The following ZBTB41 variants were observed in gnomAD, a reference collection of about 807,000 sequenced individuals.
ZBTB41 encodes the protein zinc finger and BTB domain-containing protein 41.
A neutral mutation model predicts 87.6 loss-of-function variants in ZBTB41; 42 were observed. The observed-to-expected ratio is 0.48, with a 90% CI of 0.37 to 0.62. The LOEUF (loss-of-function observed/expected upper bound fraction) is 0.62. Ranked by LOEUF, ZBTB41 falls within the 20% of genes least tolerant of loss-of-function variation. ZBTB41 has a pLI of 0.00. For synonymous variants in ZBTB41, 364 were observed against 364.0 expected (o/e 1.00, Z 0.00); for missense variants, 799 against 1,078.9 (o/e 0.74, Z 3.63).
rs1363926844 is a variant in ZBTB41, at chr1:197,159,854, A to G, written c.2235T>C (p.His745=). 1.9e-6 allele frequency: 3 copies of G among 1,613,872 alleles called. No individual in the cohort carries two copies. Among genetic ancestry groups the G allele is most frequent in the Non-Finnish European group, 1.7e-6 (2 of 1,179,898 alleles). The part of the protein sequence containing the change: ...RKDKLKYHID[H]VHEIKSPDDP... ...CATCAGGAGATTTTATTTCATGAACATGGTCAATGTGGTATTTCAGCTTGT... is the reference window on the plus strand; with the variant it reads ...CATCAGGAGATTTTATTTCATGAACGTGGTCAATGTGGTATTTCAGCTTGT... The change falls in exon 11 of 11, where the codon CAT becomes CAC. Residue 745 remains histidine (H), a synonymous_variant. Coordinates refer to ENST00000367405, the MANE Select transcript of ZBTB41 (RefSeq NM_194314.3).
chr1:197,167,891 C>CGAAGCAACAA (rs1659388248), intron 10 of ZBTB41, among the ~76,000 whole-genome samples: 1 of 151,896 alleles, frequency 6.6e-6, no homozygotes, highest in African/African-American at 2.4e-5. Flanking sequence ...ATAATGTGAC[C>CGAAGCAACAA]GAAGCAACAA....
At chr1:197,193,121 T>C (rs1309624835) in intron 2 of ZBTB41, among the ~76,000 whole-genome samples, 1 of 152,106 alleles carries the variant, frequency 6.6e-6, no homozygotes, top group Non-Finnish European at 1.5e-5. Flanking sequence ...TTTAGGCATC[T>C]CCTAAATTAG....
At chr1:197,183,673 C>G (rs1659811812) in intron 5 of ZBTB41, among the ~76,000 whole-genome samples, 1 of 152,180 alleles carries the variant, frequency 6.6e-6, no homozygotes. Context: ...CAGAGCTGAT[C>G]ATACATTTAG....
intron 10 of ZBTB41, among the ~76,000 whole-genome samples, chr1:197,162,794 T>C (rs575339962): frequency 2.0e-5 from 3 of 152,128 alleles, no homozygotes; most frequent in Non-Finnish European, 4.4e-5. Flanking sequence ...AGTCAGTCTA[T>C]GAGGAAATAG....
chr1:197,180,180 A>T (rs1389632847), intron 6 of ZBTB41, among the ~76,000 whole-genome samples: 1 of 152,114 alleles, frequency 6.6e-6, no homozygotes, highest in Non-Finnish European at 1.5e-5. Context: ...AAATATATCA[A>T]CACTTACCAC....
At chr1:197,164,497 A>C (rs1415104151) in intron 10 of ZBTB41, among the ~76,000 whole-genome samples, 1 of 151,584 alleles carries the variant, frequency 6.6e-6, no homozygotes, top group Admixed American at 6.6e-5. Context: ...ACAATACCAA[A>C]AGATGCATAT....
chr1:197,164,965 A>G (rs186101838), intron 10 of ZBTB41, among the ~76,000 whole-genome samples: 49 of 125,706 alleles, frequency 3.9e-4, no homozygotes, highest in Non-Finnish European at 5.5e-4. Context: ...TATCTAATAT[A>G]TTATATATAT....
chr1:197,189,011 G>A (rs1204034535), intron 4 of ZBTB41, among the ~76,000 whole-genome samples: 1 of 152,154 alleles, frequency 6.6e-6, no homozygotes, highest in Non-Finnish European at 1.5e-5. Flanking sequence ...ATAATTCTGT[G>A]AGATAGATGC....
chr1:197,168,881 A>G (rs1659411674), intron 10 of ZBTB41, among the ~76,000 whole-genome samples: 1 of 152,098 alleles, frequency 6.6e-6, no homozygotes, highest in South Asian at 2.1e-4. Flanking sequence ...CTACAAATCC[A>G]TTAGAAAAAG....
Position 197,159,673 on chromosome 1 carries a change from C to T in ZBTB41, c.2416G>A (p.Val806Ile). The T allele has an allele frequency of 1.2e-6, 2 of 1,614,002 alleles. No individual in the cohort carries two copies. The highest frequency in any genetic ancestry group is 1.7e-6 in the Non-Finnish European group (2 of 1,179,922). Residue 806 changes from valine to isoleucine, a missense_variant, in exon 11 of 11, where the codon GTA (valine) becomes ATA (isoleucine). Val to Ile is a conservative substitution (Grantham distance 29, BLOSUM62 3). Around this residue, in one of 5 missense-constraint regions of ZBTB41, gnomAD observed 171 missense variants for 191.9 expected, o/e 0.89. Transcript: ENST00000367405. ...GGAACCAGAGTTACTGGAACACATA[C>T]TTCAGCAGATACATTCTGTAACATC... The part of the protein sequence containing the change: ...KTMLQNVSAE[V>I]CVPVTLVPVQ...
At chr1:197,166,375 G>C (rs1365962541) in intron 10 of ZBTB41, among the ~76,000 whole-genome samples, 1 of 151,836 alleles carries the variant, frequency 6.6e-6, no homozygotes, top group East Asian at 1.9e-4. Flanking sequence ...ATGACAAAAA[G>C]GTTATCACTA....
chr1:197,194,215 A>C (rs1177963041), intron 2 of ZBTB41, among the ~76,000 whole-genome samples: 2 of 151,896 alleles, frequency 1.3e-5, no homozygotes, highest in African/African-American at 4.8e-5. Flanking sequence ...CACGGGTTTC[A>C]TCATATTGGT....
intron 10 of ZBTB41, among the ~76,000 whole-genome samples, chr1:197,167,885 T>C (rs942628357): frequency 6.6e-6 from 1 of 152,092 alleles, no homozygotes; most frequent in African/African-American, 2.4e-5. Context: ...AAAGCAATAA[T>C]GTGACCGAAG....
rs1571655365 is a variant in ZBTB41, at chr1:197,176,595, A to G, written c.1848T>C (p.Asp616=). 6.2e-7 allele frequency: 1 copy of G among 1,612,196 alleles called. No individual in the cohort carries two copies. Among genetic ancestry groups the G allele is most frequent in the Non-Finnish European group, 8.5e-7 (1 of 1,179,070 alleles). ...DECGKTFIRH[D]HLTKHKKIHS... ...GTATTTTTTTGTGCTTTGTAAGGTG[A>G]TCATGACGGATAAATGTTTTTCCAC... Residue 616 remains aspartate (D), a synonymous_variant, in exon 8 of 11, where the codon GAT becomes GAC. Coordinates refer to ENST00000367405, the MANE Select transcript of ZBTB41 (RefSeq NM_194314.3).
chr1:197,163,595 G>A (rs1000511399), intron 10 of ZBTB41, among the ~76,000 whole-genome samples: 4 of 151,152 alleles, frequency 2.6e-5, no homozygotes, highest in Admixed American at 2.0e-4. Flanking sequence ...AAGACATCAA[G>A]TCACAGATTC....
At chr1:197,197,705 A>C (rs1660204461) in intron 2 of ZBTB41, among the ~76,000 whole-genome samples, 1 of 150,556 alleles carries the variant, frequency 6.6e-6, no homozygotes, top group African/African-American at 2.5e-5. Context: ...TAGGATGCTC[A>C]AAGAAGTACC....
At chr1:197,186,861 C>CACAAAAAAACAA in intron 5 of ZBTB41, among the ~76,000 whole-genome samples, 1 of 151,686 alleles carries the variant, frequency 6.6e-6, no homozygotes, top group East Asian at 1.9e-4. Context: ...AAGACTCTGT[C>CACAAAAAAACAA]ACAAAAAAAC....
At chr1:197,188,922 A>G (rs536041411) in intron 4 of ZBTB41, among the ~76,000 whole-genome samples, 1 of 152,350 alleles carries the variant, frequency 6.6e-6, no homozygotes, top group African/African-American at 2.4e-5. Flanking sequence ...AACAGCACCA[A>G]CAATAATGAC....
Position 197,199,339 on chromosome 1 carries a change from GT to G in ZBTB41, c.1120+14del, listed in dbSNP as rs1448053486. ...GTAAGTGATTAGAGATAGAAAACCAGTTTTCTTTTCTTACCTATTCGGTCAA... is the reference window on the plus strand; with the variant it reads ...GTAAGTGATTAGAGATAGAAAACCAGTTTCTTTTCTTACCTATTCGGTCAA... On this transcript the variant is annotated intron_variant, in intron 2 of 10. Transcript: ENST00000367405. The G allele has an allele frequency of 4.1e-6, 6 of 1,473,238 alleles. No individual in the cohort carries two copies. The highest frequency in any genetic ancestry group is 3.6e-4 in the Middle Eastern group (2 of 5,484). The allele number at this position is 1,473,238 out of a possible 1,614,324, so 91.3% of individuals were successfully genotyped here. A position where few individuals can be genotyped will look rare whatever the true frequency, so the allele number is the denominator to read the frequency against.
Sources: allele counts gnomAD v4.1 joint callset (sites outside exome capture counted in the v4.1 genomes callset), GRCh38; gene constraint gnomAD v4.1.1; regional missense constraint gnomAD v4.1.1; transcripts MANE v1.5; gene names NCBI Gene and HGNC (gene_info 2026-07-23, HGNC 2026-07-21).